Variants in IQCM observed in about 807,000 individuals in gnomAD.
IQCM encodes the protein IQ motif containing M.
A neutral mutation model predicts 57.6 loss-of-function variants in IQCM; 45 were observed. The ratio of observed to expected loss-of-function variants is 0.78; its 90% CI spans 0.62 to 1.00. The LOEUF (loss-of-function observed/expected upper bound fraction) is 1.00, where lower values mean the gene tolerates loss of function less well. Among genes scored for constraint, IQCM ranks in the 50% least tolerant of loss-of-function variants. The pLI, the probability that IQCM is intolerant of heterozygous loss-of-function variation, is 0.00. For synonymous variants in IQCM, 148 were observed against 158.9 expected, an observed-to-expected ratio of 0.93 and a Z score of 0.51; for missense variants, 468 against 511.6, an observed-to-expected ratio of 0.91 and a Z score of 0.82.
chr4:149,704,437 C>G (rs555495383), intron 5 of IQCM, among the ~76,000 whole-genome samples: 1 of 151,952 alleles, frequency 6.6e-6, no homozygotes, highest in South Asian at 2.1e-4. Context: ...TTGCTTCTGG[C>G]CACTTCCTTG....
chr4:149,691,744 A>G (rs1232415070), intron 5 of IQCM: 1 of 152,174 alleles, frequency 6.6e-6, no homozygotes, highest in African/African-American at 2.4e-5. Context: ...TCACATCTGA[A>G]TACACTTGGA....
At chr4:149,695,511 A>G (rs1299530966) in intron 5 of IQCM, among the ~76,000 whole-genome samples, 1 of 152,208 alleles carries the variant, frequency 6.6e-6, no homozygotes, top group Non-Finnish European at 1.5e-5. Flanking sequence ...AATGTTATTG[A>G]GGTAATAAAT....
At chr4:149,506,535 T>C (rs916501193) in intron 12 of IQCM, among the ~76,000 whole-genome samples, 2 of 152,134 alleles carry the variant, frequency 1.3e-5, no homozygotes, top group East Asian at 3.9e-4. Context: ...TTTAGGGTGC[T>C]TGGCAGAAGG....
At chr4:149,402,715 A>G (rs1284252995) in intron 13 of IQCM, among the ~76,000 whole-genome samples, 1 of 151,922 alleles carries the variant, frequency 6.6e-6, no homozygotes, top group Non-Finnish European at 1.5e-5. Context: ...TGTAGTTACT[A>G]GAAACTTAAC....
intron 7 of IQCM, among the ~76,000 whole-genome samples, chr4:149,637,174 A>C (rs927403985): frequency 6.6e-6 from 1 of 151,420 alleles, no homozygotes; most frequent in African/African-American, 2.4e-5. Flanking sequence ...AAAAAAAAAA[A>C]AAAAGAAAGT....
intron 12 of IQCM, among the ~76,000 whole-genome samples, chr4:149,444,132 A>T (rs1469780656): frequency 6.6e-6 from 1 of 151,976 alleles, no homozygotes; most frequent in East Asian, 1.9e-4. Flanking sequence ...CTATCAATTC[A>T]AAGGAGAAAG....
At chr4:149,364,867 C>G (rs1011201927) in intron 13 of IQCM, among the ~76,000 whole-genome samples, 1 of 151,992 alleles carries the variant, frequency 6.6e-6, no homozygotes, top group Non-Finnish European at 1.5e-5. Flanking sequence ...TCAACTCAAT[C>G]AAGGGCAAGG....
chr4:149,774,447 C>A (rs770731015), intron 2 of IQCM, among the ~76,000 whole-genome samples: 1 of 152,130 alleles, frequency 6.6e-6, no homozygotes, highest in African/African-American at 2.4e-5. Context: ...ATGTTCCTCG[C>A]GACATGGCTG....
At chr4:149,470,527 G>C (rs1037846046) in intron 12 of IQCM, among the ~76,000 whole-genome samples, 2 of 152,136 alleles carry the variant, frequency 1.3e-5, no homozygotes, top group Non-Finnish European at 2.9e-5. Flanking sequence ...AATAATGGGA[G>C]ACTTTGACAC....
chr4:149,722,418 T>C (rs1229295150), intron 5 of IQCM, among the ~76,000 whole-genome samples: 2 of 152,052 alleles, frequency 1.3e-5, no homozygotes, highest in Non-Finnish European at 2.9e-5. Context: ...TAGAATTTCA[T>C]GGTTTGGGTC....
rs191793738 is a variant in IQCM at position 149,731,064 on chromosome 4, C to T, written c.385+2180G>A. Among the ~76,000 whole-genome samples, 47 of 152,262 alleles carry T rather than the reference C, an allele frequency of 3.1e-4. 1 individual carries two copies. Among genetic ancestry groups the T allele is most frequent in the Admixed American group, 3.9e-4 (6 of 15,286 alleles). On this transcript the variant is annotated intron_variant, in intron 5 of 13. Coordinates refer to ENST00000636793, the MANE Select transcript of IQCM (RefSeq NM_001363507.2). ...TACTTAACAGGTCTAAAACTGAATT[C>T]GTTATTTTCCCCCATCCCTTTCCCC...
At chr4:149,750,936 A>T (rs2174196) in intron 2 of IQCM, among the ~76,000 whole-genome samples, 4,905 of 152,304 alleles carry the variant, frequency 0.032, 403 homozygotes, top group East Asian at 0.23. Flanking sequence ...ATTTGAGCAA[A>T]TCATGAAATA....
At chr4:149,728,619 A>C (rs538780834) in intron 5 of IQCM, among the ~76,000 whole-genome samples, 10 of 152,318 alleles carry the variant, frequency 6.6e-5, no homozygotes, top group Admixed American at 5.9e-4. Flanking sequence ...CTTTTATGGG[A>C]ATCACTTATG....
intron 2 of IQCM, among the ~76,000 whole-genome samples, chr4:149,777,408 A>G (rs749194551): frequency 2.0e-5 from 3 of 152,226 alleles, no homozygotes; most frequent in Non-Finnish European, 4.4e-5. Context: ...AGCCTGGTAC[A>G]GCCCATTTTA....
intron 2 of IQCM, among the ~76,000 whole-genome samples, chr4:149,757,150 C>T (rs1769046708): frequency 6.6e-6 from 1 of 151,836 alleles, no homozygotes; most frequent in Non-Finnish European, 1.5e-5. Context: ...CCCAGCTACT[C>T]AGGAGGCTGA....
chr4:149,716,105 A>C (rs1218959270), intron 5 of IQCM, among the ~76,000 whole-genome samples: 2 of 152,176 alleles, frequency 1.3e-5, no homozygotes, highest in African/African-American at 4.8e-5. Context: ...CTTTCTGCCC[A>C]GGAGCCTGTC....
chr4:149,617,682 AC>A (rs1175316968), intron 8 of IQCM, among the ~76,000 whole-genome samples: 1 of 152,234 alleles, frequency 6.6e-6, no homozygotes, highest in Admixed American at 6.5e-5. Flanking sequence ...AAATCAATGT[AC>A]AAAAATTAGC....
chr4:149,376,347 A>G (rs755517984), intron 13 of IQCM, among the ~76,000 whole-genome samples: 2 of 152,170 alleles, frequency 1.3e-5, no homozygotes, highest in African/African-American at 2.4e-5. Context: ...CTTACATGCC[A>G]TCACTCTGCC....
intron 13 of IQCM, chr4:149,429,952 T>C (rs1734708149): frequency 5.0e-6 from 6 of 1,188,550 alleles, no homozygotes. Flanking sequence ...ATTTGTTTAT[T>C]TTAACAAAGT....
Sources: allele counts gnomAD v4.1 joint callset (sites outside exome capture counted in the v4.1 genomes callset), GRCh38; gene constraint gnomAD v4.1.1; transcripts MANE v1.5; gene names NCBI Gene and HGNC (gene_info 2026-07-23, HGNC 2026-07-21).